The following GPM6A variants were observed in gnomAD, a reference collection of about 807,000 sequenced individuals.
The protein encoded by GPM6A is neuronal membrane glycoprotein M6-a.
In GPM6A, 7 loss-of-function variants were observed where a neutral mutation model predicts 32.1. The ratio of observed to expected loss-of-function variants is 0.22; its 90% CI spans 0.12 to 0.41. The LOEUF is 0.41. GPM6A is among the 10% of genes least tolerant of loss of function. GPM6A has a pLI of 1.00. For missense variants in GPM6A, 235 were observed against 347.2 expected (o/e 0.68, Z 2.57); for synonymous variants, 130 against 123.4 (o/e 1.05, Z -0.35).
intron 1 of GPM6A, among the ~76,000 whole-genome samples, chr4:175,894,226 T>G (rs182481335): frequency 6.6e-6 from 1 of 152,134 alleles, no homozygotes; most frequent in Non-Finnish European, 1.5e-5. Context: ...TTTTTTTTAG[T>G]TCTTTGAAGA....
chr4:175,902,954 G>T (rs1382041466), intron 1 of GPM6A, among the ~76,000 whole-genome samples: 1 of 152,016 alleles, frequency 6.6e-6, no homozygotes, highest in Non-Finnish European at 1.5e-5. Flanking sequence ...AATAAATATA[G>T]AAATAAAGAT....
chr4:175,694,601 C>T (rs563690166), intron 2 of GPM6A, among the ~76,000 whole-genome samples: 1 of 152,148 alleles, frequency 6.6e-6, no homozygotes, highest in South Asian at 2.1e-4. Flanking sequence ...TTCTAACAAG[C>T]TTGTGTTCAT....
chr4:175,793,437 C>T (rs1274157100), intron 1 of GPM6A, among the ~76,000 whole-genome samples: 2 of 152,048 alleles, frequency 1.3e-5, no homozygotes, highest in African/African-American at 2.4e-5. Flanking sequence ...AGTGCAGTGG[C>T]GCGATCTCGG....
chr4:175,741,079 T>C (rs182226747), intron 1 of GPM6A, among the ~76,000 whole-genome samples: 1 of 152,176 alleles, frequency 6.6e-6, no homozygotes. Flanking sequence ...CAGAACTGTC[T>C]AATTGGTTCT....
chr4:175,715,732 T>G (rs952899191), intron 1 of GPM6A, among the ~76,000 whole-genome samples: 1 of 151,952 alleles, frequency 6.6e-6, no homozygotes, highest in Non-Finnish European at 1.5e-5. Context: ...TTTTTTTTTT[T>G]GAATCTCTTC....
intron 1 of GPM6A, among the ~76,000 whole-genome samples, chr4:175,786,707 G>A (rs902114143): frequency 1.3e-5 from 2 of 151,930 alleles, no homozygotes; most frequent in African/African-American, 4.8e-5. Context: ...CCTTGAGTCA[G>A]TTGCACCCTT....
intron 1 of GPM6A, among the ~76,000 whole-genome samples, chr4:175,840,766 T>C (rs1735910414): frequency 6.6e-6 from 1 of 152,134 alleles, no homozygotes; most frequent in African/African-American, 2.4e-5. Context: ...TTAATGATAA[T>C]TCAATGATAT....
chr4:175,732,005 C>T (rs553135981), intron 1 of GPM6A, among the ~76,000 whole-genome samples: 12 of 134,834 alleles, frequency 8.9e-5, no homozygotes, highest in Middle Eastern at 5.8e-3. Context: ...GTTGCTCTGT[C>T]GCCCAGGCTG....
chr4:175,684,911 C>G (rs749763929), intron 2 of GPM6A, among the ~76,000 whole-genome samples: 7 of 151,590 alleles, frequency 4.6e-5, no homozygotes, highest in South Asian at 2.1e-4. Flanking sequence ...TTTTTTGAGA[C>G]GGAGTCTCGC....
chr4:175,696,358 C>CA (rs1461182450), intron 2 of GPM6A, among the ~76,000 whole-genome samples: 2 of 152,104 alleles, frequency 1.3e-5, no homozygotes, highest in African/African-American at 4.8e-5. Flanking sequence ...AGTTTGACTC[C>CA]AAAATCTTAT....
chr4:175,800,833 A>C (rs2111302820), intron 1 of GPM6A: 1 of 197,754 alleles, frequency 5.1e-6, no homozygotes, highest in African/African-American at 2.4e-5. Flanking sequence ...TCATAACAGA[A>C]TGGCATTCCC....
chr4:175,899,927 G>C (rs1261571878), intron 1 of GPM6A, among the ~76,000 whole-genome samples: 1 of 152,044 alleles, frequency 6.6e-6, no homozygotes, highest in Non-Finnish European at 1.5e-5. Flanking sequence ...ACAAAGTGAA[G>C]AGAAAACCCA....
intron 4 of GPM6A, among the ~76,000 whole-genome samples, chr4:175,650,104 A>T (rs73875103): frequency 0.024 from 3,656 of 152,034 alleles, 159 homozygotes; most frequent in African/African-American, 0.084. Flanking sequence ...AACCTCCCCA[A>T]TGTCCATATT....
chr4:175,715,536 T>C (rs1204414495), intron 1 of GPM6A, among the ~76,000 whole-genome samples: 1 of 152,154 alleles, frequency 6.6e-6, no homozygotes, highest in African/African-American at 2.4e-5. Flanking sequence ...CAGCTCAGAT[T>C]CAGCTGGGAG....
chr4:175,788,057 A>G (rs1046074993), intron 1 of GPM6A: 9 of 151,874 alleles, frequency 5.9e-5, no homozygotes, highest in African/African-American at 2.2e-4. Context: ...TTCAGATTTG[A>G]TTTTGCTAGC....
chr4:175,984,137 G>A (rs1561022891), intron 1 of GPM6A, among the ~76,000 whole-genome samples: 1 of 151,808 alleles, frequency 6.6e-6, no homozygotes, highest in Non-Finnish European at 1.5e-5. Flanking sequence ...AAATTATATT[G>A]TTCTATTATT....
upstream of GPM6A, among the ~76,000 whole-genome samples, chr4:175,815,721 T>TTC (rs940235213): frequency 6.8e-5 from 10 of 146,898 alleles, no homozygotes; most frequent in Non-Finnish European, 1.1e-4. Context: ...TTCTTTTCTT[T>TTC]TTTTTTTTTT....
At chr4:175,775,103 A>G (rs1733341720) in intron 1 of GPM6A, among the ~76,000 whole-genome samples, 1 of 152,152 alleles carries the variant, frequency 6.6e-6, no homozygotes, top group Non-Finnish European at 1.5e-5. Context: ...CAACCATATC[A>G]GTGTAAATTT....
At chr4:175,657,161 A>G (rs964369575) in intron 3 of GPM6A, among the ~76,000 whole-genome samples, 4 of 152,224 alleles carry the variant, frequency 2.6e-5, no homozygotes, top group African/African-American at 9.6e-5. Context: ...ATGAATTTAA[A>G]GAGTAGCAAT....
Sources: gnomAD v4.1 joint callset for allele counts (sites outside exome capture counted in the v4.1 genomes callset) on GRCh38, gnomAD v4.1.1 for gene constraint, MANE v1.5 for transcripts, NCBI Gene and HGNC (gene_info 2026-07-23, HGNC 2026-07-21) for gene names.